The following SLC30A4 variants were observed in gnomAD, a reference collection of about 807,000 sequenced individuals.
The protein encoded by SLC30A4 is probable proton-coupled zinc antiporter SLC30A4.
In SLC30A4, 20 loss-of-function variants were observed where a neutral mutation model predicts 41.7. The observed-to-expected ratio is 0.48, with a 90% CI of 0.34 to 0.70. SLC30A4 has a LOEUF of 0.70. SLC30A4 is among the 30% of genes least tolerant of loss of function. The pLI is 0.01. For missense variants in SLC30A4, 441 were observed against 529.3 expected (o/e 0.83, Z 1.64); for synonymous variants, 181 against 195.9 (o/e 0.92, Z 0.64).
At chr15:45,487,381 T>C (rs1374723979) in intron 6 of SLC30A4, 146 bp downstream of exon 6, 12 of 450,712 alleles carry the variant, frequency 2.7e-5, no homozygotes, top group Non-Finnish European at 4.0e-5. Context: ...AATTCTTACA[T>C]GTTACATACA....
chr15:45,487,643 A>G lies in SLC30A4; in HGVS notation c.895-11T>C, dbSNP rs1057507708. 3 of 1,242,596 alleles carry G rather than the reference A, an allele frequency of 2.4e-6. No individual in the cohort carries two copies. Among genetic ancestry groups the G allele is most frequent in the Admixed American group, 3.4e-5 (2 of 58,082 alleles). 77.0% of individuals were successfully genotyped at this position (1,242,596 alleles called of 1,614,324 possible). On this transcript the variant is annotated splice_polypyrimidine_tract_variant and intron_variant, in intron 5 of 7. Coordinates refer to ENST00000261867, the MANE Select transcript of SLC30A4 (RefSeq NM_013309.6). The stretch of plus-strand genomic sequence containing the variant: ...AATCTTGTATTCTGGCTAAAGGGTA[A>G]TAGATCAAAATTTATGATTAAATAG...
chr15:45,493,887 G>A (rs1891857812), intron 3 of SLC30A4, among the ~76,000 whole-genome samples: 1 of 151,772 alleles, frequency 6.6e-6, no homozygotes. Context: ...ACAGATATAA[G>A]AATAAAACAA....
chr15:45,515,652 C>G (rs2140857516), intron 2 of SLC30A4: 1 of 151,172 alleles, frequency 6.6e-6, no homozygotes, highest in South Asian at 2.1e-4. Flanking sequence ...GACTCCATCT[C>G]AAAAATAAAT....
chr15:45,502,736 T>G (rs1198571229), intron 3 of SLC30A4: 2 of 152,250 alleles, frequency 1.3e-5, no homozygotes, highest in Non-Finnish European at 2.9e-5. Flanking sequence ...GGCTTATGGT[T>G]GTAATCCCAG....
chr15:45,495,630 T>A (rs1418053030), intron 3 of SLC30A4, among the ~76,000 whole-genome samples: 2 of 152,158 alleles, frequency 1.3e-5, no homozygotes, highest in Non-Finnish European at 2.9e-5. Context: ...CAAACCTACA[T>A]TCAAGATAAA....
At chr15:45,510,701 C>T (rs542048234) in intron 3 of SLC30A4, among the ~76,000 whole-genome samples, 4 of 152,262 alleles carry the variant, frequency 2.6e-5, no homozygotes, top group South Asian at 4.2e-4. Flanking sequence ...TATGTTGATA[C>T]GATGGCTGCA....
intron 2 of SLC30A4, among the ~76,000 whole-genome samples, chr15:45,516,128 A>G (rs1892465682): frequency 6.6e-6 from 1 of 152,144 alleles, no homozygotes; most frequent in Admixed American, 6.6e-5. Context: ...ATCTCTGAGT[A>G]TACTAATTAT....
chr15:45,522,058 G>A lies in SLC30A4; in HGVS notation c.297C>T (p.Ser99=), dbSNP rs1340706318. ...TCTGCTTCAGTATCTCTCTCTGTTT[G>A]CTGCAGTTGTCACAGGAGTCCACCT... ...SLKVDSCDNC[S]KQREILKQRK... is the part of the protein sequence containing the mutation. Residue 99 remains serine, a synonymous_variant, in exon 2 of 8, where the codon AGC becomes AGT. Coordinates refer to ENST00000261867, the MANE Select transcript of SLC30A4 (RefSeq NM_013309.6). The A allele has an allele frequency of 6.2e-7, 1 of 1,614,158 alleles. No individual in the cohort carries two copies. Among genetic ancestry groups the A allele is most frequent in the Non-Finnish European group, 8.5e-7 (1 of 1,180,010 alleles).
chr15:45,512,625 G>A (rs771267950), intron 2 of SLC30A4, among the ~76,000 whole-genome samples: 28 of 152,180 alleles, frequency 1.8e-4, no homozygotes, highest in South Asian at 4.1e-4. Flanking sequence ...CCAAGAGAAG[G>A]TTGGTGTTAA....
intron 3 of SLC30A4, among the ~76,000 whole-genome samples, chr15:45,508,053 G>A (rs1213041352): frequency 6.6e-6 from 1 of 151,978 alleles, no homozygotes; most frequent in Admixed American, 6.6e-5. Context: ...GAACTTCTGG[G>A]TTCAAGGGAT....
chr15:45,489,439 C>T (rs144265686), intron 4 of SLC30A4, among the ~76,000 whole-genome samples: 76 of 151,512 alleles, frequency 5.0e-4, no homozygotes, highest in African/African-American at 7.3e-4. Context: ...GTGTTCTAGG[C>T]GGAAGAATAG....
At chr15:45,485,813 G>A (rs1180671751) in intron 7 of SLC30A4, among the ~76,000 whole-genome samples, 1 of 151,786 alleles carries the variant, frequency 6.6e-6, no homozygotes, top group Non-Finnish European at 1.5e-5. Context: ...TGTGTCCTGA[G>A]TGCAAGCAAT....
chr15:45,501,562 G>A (rs1167320670), intron 3 of SLC30A4, among the ~76,000 whole-genome samples: 7 of 152,122 alleles, frequency 4.6e-5, no homozygotes, highest in Admixed American at 6.5e-5. Context: ...GGGCAGTGGC[G>A]TGCACATAGC....
At chr15:45,501,370 CA>C (rs1016960209) in intron 3 of SLC30A4, among the ~76,000 whole-genome samples, 2 of 152,064 alleles carry the variant, frequency 1.3e-5, no homozygotes, top group African/African-American at 4.8e-5. Context: ...ATTACAAAAA[CA>C]CCACTACTCT....
intron 2 of SLC30A4, among the ~76,000 whole-genome samples, chr15:45,517,682 C>T (rs1369341927): frequency 1.3e-5 from 2 of 151,952 alleles, no homozygotes; most frequent in East Asian, 3.9e-4. Context: ...GGCGCGGTGG[C>T]TCACGCCTGT....
In SLC30A4 at chr15:45,486,179, C is replaced by T. The variant is rs543655692; in HGVS notation, c.1135+432G>A. 1.9e-4 allele frequency among the ~76,000 whole-genome samples: 29 copies of T among 151,558 alleles called. No homozygotes were observed. The East Asian group carries it at 4.7e-3, about 24-fold the overall frequency. ...CTGGGATTACAGGCATGCACCACCA[C>T]GCCTAGCTAATTTTTGTATTTTTAG... On this transcript the variant is annotated intron_variant, in intron 7 of 7. Transcript: ENST00000261867.
At chr15:45,489,140 T>C in intron 4 of SLC30A4, 98 bp from the exon 5 acceptor site, 1 of 861,214 alleles carries the variant, frequency 1.2e-6, no homozygotes, top group East Asian at 2.6e-5. Flanking sequence ...AACTCATTTA[T>C]TTAATAAATT....
chr15:45,492,205 T>C (rs1289985383), intron 3 of SLC30A4, among the ~76,000 whole-genome samples: 1 of 132,542 alleles, frequency 7.5e-6, no homozygotes, highest in East Asian at 2.2e-4. Context: ...GCATTGTCTG[T>C]AGCATCCAAA....
At chr15:45,504,050 C>G (rs1429318999) in intron 3 of SLC30A4, among the ~76,000 whole-genome samples, 2 of 152,172 alleles carry the variant, frequency 1.3e-5, no homozygotes, top group Non-Finnish European at 2.9e-5. Flanking sequence ...TCACTCCAGA[C>G]CATTTGGAGG....
Sources: allele counts gnomAD v4.1 joint callset (sites outside exome capture counted in the v4.1 genomes callset), GRCh38; gene constraint gnomAD v4.1.1; transcripts MANE v1.5; gene names NCBI Gene and HGNC (gene_info 2026-07-23, HGNC 2026-07-21).